Variants in HADHB observed in about 807,000 individuals in gnomAD.
HADHB encodes hydroxyacyl-CoA dehydrogenase trifunctional multienzyme complex subunit beta.
Under a neutral mutation model 61.9 loss-of-function variants are expected in HADHB, and 50 were observed. That is an observed-to-expected ratio of 0.81 (90% CI 0.64 to 1.02). The LOEUF is 1.02. HADHB is among the 50% of genes least tolerant of loss of function. HADHB has a pLI of 0.00. For missense variants in HADHB, 504 were observed against 586.5 expected (o/e 0.86, Z 1.45); for synonymous variants, 191 against 201.6 (o/e 0.95, Z 0.45).
At position 26,278,609 on chromosome 2, in the gene HADHB, T is replaced by C. The variant is rs1258041361; in HGVS notation, c.443-5T>C. 6.2e-7 allele frequency: 1 copy of C among 1,611,912 alleles called. No homozygotes were observed. Among genetic ancestry groups the C allele is most frequent in the South Asian group, 1.1e-5 (1 of 91,038 alleles). On this transcript the variant is annotated splice_region_variant and splice_polypyrimidine_tract_variant and intron_variant, in intron 7 of 15. Coordinates refer to ENST00000317799, the MANE Select transcript of HADHB (RefSeq NM_000183.3). ...TATTCATGAAGTATAACCTGTGCCC[T>C]GTAGGTGTTGGCTTGATTGCTTCTG... is the stretch of plus-strand genomic sequence containing the variant.
At chr2:26,271,002 C>G (rs1339792663) in intron 5 of HADHB, among the ~76,000 whole-genome samples, 1 of 151,528 alleles carries the variant, frequency 6.6e-6, no homozygotes, top group Non-Finnish European at 1.5e-5. Context: ...CCTCAGCCTC[C>G]CGAGTACCTG....
chr2:26,245,261 GGGGT>G (rs1000441713), intron 1 of HADHB: 74 of 169,208 alleles, frequency 4.4e-4, no homozygotes, highest in African/African-American at 1.6e-3. Flanking sequence ...TGGGGGTGTG[GGGGT>G]GTGTGTGTGT....
chr2:26,290,128 T>C lies in HADHB; in HGVS notation c.*175T>C. The C allele has an allele frequency of 1.5e-6, 1 of 659,328 alleles. No homozygotes were observed. Among genetic ancestry groups the C allele is most frequent in the East Asian group, 2.7e-5 (1 of 36,716 alleles). The allele number at this position is 659,328 out of a possible 1,614,324, so 40.8% of individuals were successfully genotyped here. A position where few individuals can be genotyped will look rare whatever the true frequency, so the allele number is the denominator to read the frequency against. ...CTTGCCAGTGTTCTGAGCTTTTCAA[T>C]AATCAGTTTACTGCTCTTTCAGGGA... On this transcript the variant is annotated 3_prime_UTR_variant, in exon 16 of 16. Transcript: ENST00000317799.
chr2:26,278,147 A>G lies in HADHB; in HGVS notation c.443-467A>G, dbSNP rs548052913. Among the ~76,000 whole-genome samples, 48 of 152,364 alleles carry G rather than the reference A, an allele frequency of 3.2e-4. 1 individual carries two copies. Among genetic ancestry groups the G allele is most frequent in the Admixed American group, 3.1e-3 (47 of 15,308 alleles). ...ACTGGGGGCGTTCGCCACTCTAGGC[A>G]GCATGTGACCAACTCCTGGTTAGAG... On this transcript the variant is annotated intron_variant, in intron 7 of 15. Coordinates refer to ENST00000317799, the MANE Select transcript of HADHB (RefSeq NM_000183.3).
At chr2:26,257,610 T>C (rs1483356197) in intron 3 of HADHB, among the ~76,000 whole-genome samples, 1 of 152,102 alleles carries the variant, frequency 6.6e-6, no homozygotes, top group Non-Finnish European at 1.5e-5. Context: ...TCCTCTTCGC[T>C]TCTCTTTTTA....
At position 26,285,518 on chromosome 2, in the gene HADHB, C is replaced by T. The variant is rs781574694; in HGVS notation, c.1336C>T (p.Arg446Trp). Residue 446 changes from arginine (R) to tryptophan (W), a missense_variant, in exon 15 of 16, where the codon CGG (arginine) becomes TGG (tryptophan). Transcript: ENST00000317799. ...RLVMAAANRLRKEGGQYGLVA... is the reference protein window; with the variant it reads ...RLVMAAANRLWKEGGQYGLVA... ...GGTCATGGCTGCTGCCAACAGATTACGGAAAGAAGGAGGCCAGTATGGCTT... is the reference window on the plus strand; with the variant it reads ...GGTCATGGCTGCTGCCAACAGATTATGGAAAGAAGGAGGCCAGTATGGCTT... 55 of 1,613,804 alleles carry T rather than the reference C, an allele frequency of 3.4e-5. No individual in the cohort carries two copies. The highest frequency in any genetic ancestry group is 4.2e-5 in the Non-Finnish European group (49 of 1,179,928).
At chr2:26,273,374 A>T (rs550914536) in intron 5 of HADHB, among the ~76,000 whole-genome samples, 2 of 152,188 alleles carry the variant, frequency 1.3e-5, no homozygotes, top group African/African-American at 4.8e-5. Flanking sequence ...ACATTAATTT[A>T]TAGGTTTCTT....
intron 15 of HADHB, among the ~76,000 whole-genome samples, chr2:26,289,449 G>A (rs1673176504): frequency 6.6e-6 from 1 of 151,906 alleles, no homozygotes; most frequent in Non-Finnish European, 1.5e-5. Context: ...ACCTTTCAGA[G>A]CCTCAGTTTT....
intron 15 of HADHB, 86 bp from the exon 16 acceptor site, chr2:26,289,832 T>C (rs1673191794): frequency 2.2e-6 from 2 of 926,224 alleles, no homozygotes; most frequent in Non-Finnish European, 3.6e-6. Context: ...CCAAAGCCTG[T>C]ACTTTTCTCC....
intron 3 of HADHB, among the ~76,000 whole-genome samples, chr2:26,255,710 GCA>G (rs1671581580): frequency 6.6e-6 from 1 of 152,074 alleles, no homozygotes; most frequent in Non-Finnish European, 1.5e-5. Flanking sequence ...ATATCTCAAA[GCA>G]CTTTAAAAAC....
intron 3 of HADHB, among the ~76,000 whole-genome samples, chr2:26,258,276 A>T (rs1046166195): frequency 9.2e-5 from 14 of 152,164 alleles, no homozygotes; most frequent in African/African-American, 3.4e-4. Flanking sequence ...GGCTCCCAAG[A>T]TGGCGGCAAG....
chr2:26,288,845 A>C (rs1288038183), intron 15 of HADHB, among the ~76,000 whole-genome samples: 1 of 152,142 alleles, frequency 6.6e-6, no homozygotes, highest in East Asian at 1.9e-4. Flanking sequence ...AGTTTCTTTT[A>C]TTTACTTTTT....
chr2:26,278,988 CT>C, intron 8 of HADHB, 146 bp from the exon 9 acceptor site: 9 of 896,634 alleles, frequency 1.0e-5, no homozygotes, highest in Non-Finnish European at 1.9e-6. Context: ...TAGAGATCCT[CT>C]TTAGAGATCC....
At chr2:26,284,312 G>A (rs1672927341) in intron 13 of HADHB, 108 bp downstream of exon 13, 3 of 774,560 alleles carry the variant, frequency 3.9e-6, no homozygotes, top group Admixed American at 1.8e-5. Flanking sequence ...GAGCAGGAGT[G>A]GACCTGCATA....
chr2:26,251,581 T>G (rs1671399570), intron 1 of HADHB, among the ~76,000 whole-genome samples: 1 of 152,190 alleles, frequency 6.6e-6, no homozygotes, highest in Admixed American at 6.5e-5. Flanking sequence ...AAGATGAACC[T>G]TACGTAAGGG....
rs559000048 is a variant in HADHB at position 26,273,087 on chromosome 2, C to CAAAA, written c.255-554_255-551dup. 5.8e-3 allele frequency among the ~76,000 whole-genome samples: 765 copies of CAAAA among 131,988 alleles called. 6 individuals carry two copies. The highest frequency in any genetic ancestry group is 0.02 in the African/African-American group (713 of 36,004). The allele number at this position is 131,988 out of a possible 152,430, so 86.6% of individuals were successfully genotyped here. ...GGGTGAAAGGGCAAGATTCTTATCT[C>CAAAA]AAAAAAAAAAAAAGGAAACCAAGTC... On this transcript the variant is annotated intron_variant, in intron 5 of 15. Transcript: ENST00000317799.
intron 14 of HADHB, among the ~76,000 whole-genome samples, chr2:26,285,189 GT>G (rs1395659905): frequency 6.6e-5 from 10 of 152,082 alleles, no homozygotes; most frequent in African/African-American, 2.2e-4. Flanking sequence ...AAAATTCTGT[GT>G]TTTTTGTTCC....
At chr2:26,268,822 A>C (rs1221386632) in intron 4 of HADHB, among the ~76,000 whole-genome samples, 2 of 152,174 alleles carry the variant, frequency 1.3e-5, no homozygotes, top group East Asian at 3.8e-4. Flanking sequence ...TAATAAGTAT[A>C]TCATGGTTAT....
At chr2:26,269,099 A>T (rs1302945151) in intron 4 of HADHB, among the ~76,000 whole-genome samples, 1 of 149,754 alleles carries the variant, frequency 6.7e-6, no homozygotes, top group African/African-American at 2.5e-5. Flanking sequence ...CAGTGAGCTG[A>T]GATTGCGCCA....
Sources: gnomAD v4.1 joint callset for allele counts (sites outside exome capture counted in the v4.1 genomes callset) on GRCh38, gnomAD v4.1.1 for gene constraint, MANE v1.5 for transcripts, NCBI Gene and HGNC (gene_info 2026-07-23, HGNC 2026-07-21) for gene names.